CHCHD6: variants seen among roughly 807,000 people sequenced by gnomAD.
CHCHD6 encodes MICOS complex subunit MIC25.
A neutral mutation model predicts 32.3 loss-of-function variants in CHCHD6; 28 were observed. The ratio of observed to expected loss-of-function variants is 0.87; its 90% CI spans 0.64 to 1.19. CHCHD6 has a LOEUF of 1.19. Among genes scored for constraint, CHCHD6 ranks in the 50% most tolerant of loss-of-function variants. The pLI is 0.00. For missense variants in CHCHD6, 333 were observed against 307.0 expected (o/e 1.08, Z -0.63); for synonymous variants, 122 against 117.5 (o/e 1.04, Z -0.25).
At chr3:126,790,810 TC>T (rs1221649271) in intron 4 of CHCHD6, among the ~76,000 whole-genome samples, 1 of 152,184 alleles carries the variant, frequency 6.6e-6, no homozygotes, top group African/African-American at 2.4e-5. Context: ...TCTGAAGCCT[TC>T]TTCTCTCAAG....
intron 4 of CHCHD6, among the ~76,000 whole-genome samples, chr3:126,739,721 G>A (rs1936208059): frequency 6.6e-6 from 1 of 152,046 alleles, no homozygotes; most frequent in Non-Finnish European, 1.5e-5. Flanking sequence ...TTTTCATTTG[G>A]CTTTTTTTTA....
At chr3:126,935,262 A>G in intron 6 of CHCHD6, 1 of 546,338 alleles carries the variant, frequency 1.8e-6, no homozygotes, top group Non-Finnish European at 2.3e-6. Context: ...TTCCCTTTTG[A>G]GAGCCTCCCT....
chr3:126,715,204 G>C (rs900950894), intron 1 of CHCHD6, among the ~76,000 whole-genome samples: 1 of 152,090 alleles, frequency 6.6e-6, no homozygotes, highest in African/African-American at 2.4e-5. Context: ...GCAGCTCCAT[G>C]TTACTGCCTT....
At chr3:126,825,363 C>T (rs754849543) in intron 4 of CHCHD6, among the ~76,000 whole-genome samples, 2 of 152,028 alleles carry the variant, frequency 1.3e-5, no homozygotes, top group Admixed American at 6.5e-5. Flanking sequence ...TGTTCCATTG[C>T]GCTTGAAAGT....
In CHCHD6 at chr3:126,788,737, G is replaced by A. The variant is rs145112014; in HGVS notation, c.411+55515G>A. ...TCTCTTCTTCATTAGCCTTGCTAGC[G>A]GTCTATCAATTTTGTTGATCTTTTC... On this transcript the variant is annotated intron_variant, in intron 4 of 7. Transcript: ENST00000290913. Among the ~76,000 whole-genome samples the A allele has an allele frequency of 1.5e-3, 230 of 152,000 alleles. 3 individuals are homozygous for A. In the East Asian group the frequency reaches 0.036, roughly 23 times the overall value.
chr3:126,953,521 T>C (rs1031893591), intron 6 of CHCHD6, among the ~76,000 whole-genome samples: 1 of 152,178 alleles, frequency 6.6e-6, no homozygotes, highest in African/African-American at 2.4e-5. Flanking sequence ...CTCCAGACCC[T>C]GGCCCCACCT....
At chr3:126,776,531 G>T (rs950612382) in intron 4 of CHCHD6, among the ~76,000 whole-genome samples, 1 of 152,170 alleles carries the variant, frequency 6.6e-6, no homozygotes, top group Non-Finnish European at 1.5e-5. Context: ...TGTTTGGATC[G>T]ATTCTGAATT....
At chr3:126,712,057 C>T (rs994277754) in intron 1 of CHCHD6, among the ~76,000 whole-genome samples, 14 of 152,348 alleles carry the variant, frequency 9.2e-5, no homozygotes, top group Non-Finnish European at 1.9e-4. Flanking sequence ...ACCTTTTCCA[C>T]CTCAGCTGCT....
At chr3:126,812,014 C>T (rs895646239) in intron 4 of CHCHD6, among the ~76,000 whole-genome samples, 1 of 152,086 alleles carries the variant, frequency 6.6e-6, no homozygotes, top group African/African-American at 2.4e-5. Flanking sequence ...AGGGCAAGAG[C>T]ATCGCTTTTA....
intron 5 of CHCHD6, among the ~76,000 whole-genome samples, chr3:126,861,853 T>C (rs1262303891): frequency 8.3e-5 from 2 of 24,096 alleles, no homozygotes; most frequent in African/African-American, 3.3e-4. Flanking sequence ...CTCCCCCTCC[T>C]CCACCATCAC....
intron 6 of CHCHD6, chr3:126,949,399 C>A (rs1052119105): frequency 3.1e-5 from 7 of 228,674 alleles, no homozygotes; most frequent in African/African-American, 1.2e-4. Context: ...AAAGGGAAGG[C>A]TGCACCAACA....
intron 5 of CHCHD6, among the ~76,000 whole-genome samples, chr3:126,864,978 C>T (rs1208722091): frequency 3.4e-5 from 5 of 148,958 alleles, no homozygotes; most frequent in Non-Finnish European, 7.6e-5. Context: ...CCTCCATCAT[C>T]ACCACTACCA....
At chr3:126,922,622 CGTGTGT>C (rs10544737) in intron 6 of CHCHD6, among the ~76,000 whole-genome samples, 8,549 of 147,772 alleles carry the variant, frequency 0.058, 300 homozygotes, top group East Asian at 0.16. Flanking sequence ...CAGCCCACCA[CGTGTGT>C]GTGTGTGTGT....
At chr3:126,772,576 T>A (rs1478769015) in intron 4 of CHCHD6, among the ~76,000 whole-genome samples, 1 of 152,230 alleles carries the variant, frequency 6.6e-6, no homozygotes, top group Non-Finnish European at 1.5e-5. Context: ...TTTTTTGTTT[T>A]CCATTTGCTT....
intron 3 of CHCHD6, among the ~76,000 whole-genome samples, chr3:126,732,695 A>G (rs1576349765): frequency 6.6e-6 from 1 of 152,232 alleles, no homozygotes; most frequent in Non-Finnish European, 1.5e-5. Context: ...CAGAATGAAG[A>G]GTTAAATGTT....
At chr3:126,759,892 G>A (rs1457082115) in intron 4 of CHCHD6, among the ~76,000 whole-genome samples, 1 of 152,202 alleles carries the variant, frequency 6.6e-6, no homozygotes, top group East Asian at 1.9e-4. Flanking sequence ...TGTACAGGAA[G>A]CATGGCACTA....
intron 6 of CHCHD6, among the ~76,000 whole-genome samples, chr3:126,950,621 G>A (rs2078702671): frequency 6.6e-6 from 1 of 152,130 alleles, no homozygotes; most frequent in African/African-American, 2.4e-5. Context: ...TGGCTAATTT[G>A]TGTATTTTTA....
At chr3:126,705,904 CAG>C (rs1448249255) in intron 1 of CHCHD6, among the ~76,000 whole-genome samples, 1 of 152,138 alleles carries the variant, frequency 6.6e-6, no homozygotes, top group African/African-American at 2.4e-5. Context: ...AGGAAACGCA[CAG>C]AGAGAGTGCT....
chr3:126,707,530 TCTC>T (rs1346277398), intron 1 of CHCHD6, among the ~76,000 whole-genome samples: 4 of 152,212 alleles, frequency 2.6e-5, no homozygotes, highest in East Asian at 1.9e-4. Flanking sequence ...CTGCCTTCCC[TCTC>T]CTCCTCTCCA....
Sources: gnomAD v4.1 joint callset for allele counts (sites outside exome capture counted in the v4.1 genomes callset) on GRCh38, gnomAD v4.1.1 for gene constraint, MANE v1.5 for transcripts, NCBI Gene and HGNC (gene_info 2026-07-23, HGNC 2026-07-21) for gene names.